FER: variants seen among roughly 807,000 people sequenced by gnomAD.
FER encodes the protein FER tyrosine kinase.
FER carries 63 observed loss-of-function variants against 111.0 expected under a neutral mutation model. The observed-to-expected ratio is 0.57, with a 90% CI of 0.46 to 0.70. The LOEUF is 0.70. FER is among the 30% of genes least tolerant of loss of function. The probability of loss-of-function intolerance (pLI) is 0.00; values close to 1 mark genes in which losing one functional copy is unlikely to be tolerated. For missense variants in FER, 914 were observed against 954.0 expected (o/e 0.96, Z 0.55); for synonymous variants, 327 against 313.9 (o/e 1.04, Z -0.44).
At chr5:108,862,496 C>A (rs1407954296) in intron 5 of FER, among the ~76,000 whole-genome samples, 1 of 151,904 alleles carries the variant, frequency 6.6e-6, no homozygotes, top group Non-Finnish European at 1.5e-5. Context: ...AGATTGTCTT[C>A]TGAAGTTAGA....
chr5:108,843,989 C>T (rs551581919), intron 5 of FER, among the ~76,000 whole-genome samples: 12 of 136,768 alleles, frequency 8.8e-5, no homozygotes, highest in South Asian at 7.5e-4. Context: ...GTCTCTGTTT[C>T]GCCTCTTTCT....
At chr5:109,119,113 T>G (rs1267928500) in intron 17 of FER, among the ~76,000 whole-genome samples, 1 of 152,174 alleles carries the variant, frequency 6.6e-6, no homozygotes, top group Non-Finnish European at 1.5e-5. Flanking sequence ...GGTGTCAATT[T>G]TAGATCTTTC....
chr5:109,126,454 G>C (rs1388930196), intron 17 of FER, among the ~76,000 whole-genome samples: 3 of 152,122 alleles, frequency 2.0e-5, no homozygotes, highest in Non-Finnish European at 4.4e-5. Flanking sequence ...AAGAATTTAG[G>C]ATCTTGATTT....
At chr5:109,149,801 C>T (rs755497933) in intron 17 of FER, among the ~76,000 whole-genome samples, 5 of 152,076 alleles carry the variant, frequency 3.3e-5, no homozygotes, top group Non-Finnish European at 5.9e-5. Flanking sequence ...GAAAAAGTTC[C>T]GTTACTTCAC....
intron 10 of FER, among the ~76,000 whole-genome samples, chr5:108,911,995 G>A (rs997955056): frequency 1.3e-5 from 2 of 152,108 alleles, no homozygotes; most frequent in Non-Finnish European, 1.5e-5. Context: ...TCTTGTGATA[G>A]TGAATAATTG....
chr5:108,906,815 C>T (rs1285676998), intron 10 of FER, among the ~76,000 whole-genome samples: 1 of 152,044 alleles, frequency 6.6e-6, no homozygotes, highest in African/African-American at 2.4e-5. Flanking sequence ...TTTTGATACT[C>T]ATAATACTTC....
intron 13 of FER, among the ~76,000 whole-genome samples, chr5:109,033,487 A>G (rs1456888464): frequency 6.6e-6 from 1 of 152,110 alleles, no homozygotes; most frequent in Non-Finnish European, 1.5e-5. Context: ...GCAACTCCCC[A>G]TTCTCCAACT....
chr5:109,138,086 A>C (rs1443598778), intron 17 of FER, among the ~76,000 whole-genome samples: 1 of 152,176 alleles, frequency 6.6e-6, no homozygotes, highest in South Asian at 2.1e-4. Context: ...TTCAGGAACT[A>C]TAGGAGAGAA....
chr5:108,921,631 T>A (rs1753027981), intron 10 of FER, among the ~76,000 whole-genome samples: 1 of 152,110 alleles, frequency 6.6e-6, no homozygotes, highest in South Asian at 2.1e-4. Flanking sequence ...ATTCTTAGAG[T>A]CTTTTTTTAT....
chr5:108,852,488 A>G (rs113918405), intron 5 of FER, among the ~76,000 whole-genome samples: 84 of 152,260 alleles, frequency 5.5e-4, no homozygotes, highest in African/African-American at 1.6e-3. Context: ...CAATATCTGT[A>G]TATTTTGGCG....
At chr5:108,948,361 A>C (rs1009414351) in intron 11 of FER, among the ~76,000 whole-genome samples, 1 of 152,014 alleles carries the variant, frequency 6.6e-6, no homozygotes, top group Non-Finnish European at 1.5e-5. Flanking sequence ...CAGATGTTTA[A>C]TATTTTTTGT....
chr5:109,051,433 T>C, intron 16 of FER: 1 of 1,613,102 alleles, frequency 6.2e-7, no homozygotes, highest in Non-Finnish European at 8.5e-7. Flanking sequence ...TTTTTTAGAA[T>C]TCTGGTTATC....
At chr5:109,044,244 T>TG (rs1771618309) in intron 14 of FER, among the ~76,000 whole-genome samples, 4 of 150,804 alleles carry the variant, frequency 2.7e-5, no homozygotes, top group African/African-American at 9.8e-5. Flanking sequence ...AGTGGCGCAA[T>TG]CTCTGTTCAC....
At chr5:108,825,888 A>C (rs992447015) in intron 3 of FER, among the ~76,000 whole-genome samples, 2 of 152,228 alleles carry the variant, frequency 1.3e-5, no homozygotes, top group Non-Finnish European at 2.9e-5. Context: ...TATTGTAGAC[A>C]GTCATACTTT....
rs965634732 is a variant in FER at position 108,847,127 on chromosome 5, G to A, written c.481+11320G>A. On this transcript the variant is annotated intron_variant, in intron 5 of 19. Coordinates refer to ENST00000281092, the MANE Select transcript of FER (RefSeq NM_005246.4). ...AGAACCATCTTCTTTTCAAATGCAAGCATTTGGTACTCTAAAGTTCCTTAA... is the reference window on the plus strand; with the variant it reads ...AGAACCATCTTCTTTTCAAATGCAAACATTTGGTACTCTAAAGTTCCTTAA... Among the ~76,000 whole-genome samples, 9 of 150,904 alleles carry A rather than the reference G, an allele frequency of 6.0e-5. No individual in the cohort carries two copies. The South Asian group carries it at 1.9e-3, about 32-fold the overall frequency.
chr5:108,985,380 A>G (rs1762449379), intron 13 of FER, among the ~76,000 whole-genome samples: 1 of 152,098 alleles, frequency 6.6e-6, no homozygotes. Context: ...TTTTTCGTGC[A>G]TTTAACCTGA....
At chr5:108,886,504 T>C (rs1239059401) in intron 9 of FER, among the ~76,000 whole-genome samples, 2 of 150,998 alleles carry the variant, frequency 1.3e-5, no homozygotes, top group African/African-American at 4.8e-5. Flanking sequence ...GAATGTTATC[T>C]TTCTGTGCCT....
intron 13 of FER, among the ~76,000 whole-genome samples, chr5:109,020,224 G>T (rs1767743309): frequency 6.6e-6 from 1 of 151,868 alleles, no homozygotes; most frequent in African/African-American, 2.4e-5. Context: ...TTTAAAATCA[G>T]TCTTAAAACA....
chr5:108,893,496 A>T (rs548441848), intron 9 of FER, among the ~76,000 whole-genome samples: 1 of 151,980 alleles, frequency 6.6e-6, no homozygotes. Context: ...AGTACATTCT[A>T]TCTTCCTAGA....
Sources: gnomAD v4.1 joint callset for allele counts (sites outside exome capture counted in the v4.1 genomes callset) on GRCh38, gnomAD v4.1.1 for gene constraint, MANE v1.5 for transcripts, NCBI Gene and HGNC (gene_info 2026-07-23, HGNC 2026-07-21) for gene names.